SOX5: variants seen among roughly 807,000 people sequenced by gnomAD.
SOX5 encodes transcription factor SOX-5.
Under a neutral mutation model 92.0 loss-of-function variants are expected in SOX5, and 9 were observed. The observed-to-expected ratio is 0.10, with a 90% CI of 0.06 to 0.17. SOX5 has a LOEUF of 0.17. Among genes scored for constraint, SOX5 ranks in the 10% least tolerant of loss-of-function variants. The pLI is 1.00. For missense variants in SOX5, 642 were observed against 944.5 expected (o/e 0.68, Z 4.20); for synonymous variants, 344 against 336.3 (o/e 1.02, Z -0.25).
At chr12:23,892,695 A>C (rs769066284) in intron 2 of SOX5, among the ~76,000 whole-genome samples, 8 of 152,250 alleles carry the variant, frequency 5.3e-5, no homozygotes, top group Non-Finnish European at 1.0e-4. Flanking sequence ...AAACAAATTT[A>C]GAAACTAATT....
intron 1 of SOX5, among the ~76,000 whole-genome samples, chr12:24,441,634 G>T (rs1390540642): frequency 6.6e-6 from 1 of 152,150 alleles, no homozygotes; most frequent in Non-Finnish European, 1.5e-5. Flanking sequence ...GGAAAAGAAT[G>T]TTCAAAGAAA....
chr12:23,705,888 C>T (rs1174787503), intron 6 of SOX5, among the ~76,000 whole-genome samples: 1 of 152,002 alleles, frequency 6.6e-6, no homozygotes, highest in African/African-American at 2.4e-5. Context: ...ACTAACAATC[C>T]CACTGCTACT....
chr12:23,580,439 C>T (rs1443680441), intron 9 of SOX5, among the ~76,000 whole-genome samples: 1 of 151,950 alleles, frequency 6.6e-6, no homozygotes, highest in Admixed American at 6.6e-5. Flanking sequence ...CGCAAATTCA[C>T]TTATCTTGGT....
At chr12:24,503,441 C>T (rs10842362) in intron 1 of SOX5, among the ~76,000 whole-genome samples, 97,851 of 152,022 alleles carry the variant, frequency 0.64, 32,427 homozygotes, top group East Asian at 0.98. Flanking sequence ...AATTATATAA[C>T]GAGGCTGAAA....
intron 9 of SOX5, among the ~76,000 whole-genome samples, chr12:23,585,877 A>G (rs1950649419): frequency 6.6e-6 from 1 of 152,142 alleles, no homozygotes; most frequent in South Asian, 2.1e-4. Flanking sequence ...TGTGGGTGTC[A>G]TGGCAACGGC....
At chr12:24,348,335 A>T (rs1274883240) in intron 2 of SOX5, among the ~76,000 whole-genome samples, 1 of 151,348 alleles carries the variant, frequency 6.6e-6, no homozygotes, top group African/African-American at 2.4e-5. Flanking sequence ...AGCTCATCAC[A>T]TGCCTCTATG....
At chr12:24,295,114 AT>A (rs1310161335) in intron 2 of SOX5, among the ~76,000 whole-genome samples, 1 of 112,438 alleles carries the variant, frequency 8.9e-6, no homozygotes, top group Non-Finnish European at 2.0e-5. Flanking sequence ...TTACAAATAA[AT>A]TTTTATAAGT....
At chr12:24,335,437 A>C (rs1275875611) in intron 2 of SOX5, among the ~76,000 whole-genome samples, 2 of 152,204 alleles carry the variant, frequency 1.3e-5, no homozygotes, top group Admixed American at 6.5e-5. Context: ...AGTGCAGCAC[A>C]CATTATCAAC....
intron 1 of SOX5, among the ~76,000 whole-genome samples, chr12:24,518,685 A>G (rs1222559691): frequency 6.6e-6 from 1 of 152,182 alleles, no homozygotes; most frequent in Non-Finnish European, 1.5e-5. Context: ...GAATGCGCCA[A>G]GATATCACAC....
chr12:24,164,411 A>C (rs1287596651), intron 4 of SOX5, among the ~76,000 whole-genome samples: 2 of 152,074 alleles, frequency 1.3e-5, no homozygotes, highest in African/African-American at 4.8e-5. Context: ...ACTCCTAGGC[A>C]TGTAATATTC....
intron 4 of SOX5, among the ~76,000 whole-genome samples, chr12:24,174,575 A>G (rs1284222687): frequency 6.6e-6 from 1 of 152,110 alleles, no homozygotes; most frequent in African/African-American, 2.4e-5. Context: ...AGAAAAGAGA[A>G]CTTTGGGAGG....
intron 4 of SOX5, among the ~76,000 whole-genome samples, chr12:24,026,157 G>A (rs911376425): frequency 2.0e-5 from 3 of 152,062 alleles, no homozygotes; most frequent in African/African-American, 7.2e-5. Context: ...AAATTTGGCA[G>A]TTTGGCTCTT....
intron 2 of SOX5, among the ~76,000 whole-genome samples, chr12:23,863,509 T>G (rs1211198115): frequency 6.6e-6 from 1 of 152,152 alleles, no homozygotes; most frequent in Non-Finnish European, 1.5e-5. Context: ...TGCTTTTAAC[T>G]ATTGTGTCAT....
chr12:24,349,268 TTCA>T (rs1456385123), intron 2 of SOX5, among the ~76,000 whole-genome samples: 1 of 152,220 alleles, frequency 6.6e-6, no homozygotes, highest in East Asian at 1.9e-4. Context: ...TAAAAAACTG[TTCA>T]TGTGGTAAAA....
intron 8 of SOX5, among the ~76,000 whole-genome samples, chr12:23,624,198 G>T (rs774010514): frequency 6.6e-6 from 1 of 152,108 alleles, no homozygotes; most frequent in South Asian, 2.1e-4. Context: ...GGAGAATGAG[G>T]AGTTGTTGAA....
intron 3 of SOX5, among the ~76,000 whole-genome samples, chr12:24,223,633 T>C (rs1565691145): frequency 6.6e-6 from 1 of 152,172 alleles, no homozygotes; most frequent in Non-Finnish European, 1.5e-5. Context: ...CATGTGCCTG[T>C]AGTCCCAGCT....
intron 1 of SOX5, among the ~76,000 whole-genome samples, chr12:24,492,241 A>C (rs2137985862): frequency 6.6e-6 from 1 of 152,296 alleles, no homozygotes; most frequent in East Asian, 1.9e-4. Flanking sequence ...CAACAACAGA[A>C]ATAGCTGTTG....
chr12:23,752,688 A>G (rs1318214264), intron 4 of SOX5, among the ~76,000 whole-genome samples: 3 of 151,870 alleles, frequency 2.0e-5, no homozygotes, highest in African/African-American at 7.2e-5. Context: ...TTCACCTTTC[A>G]CATTATTGTT....
chr12:24,065,822 T>C (rs1193432754), intron 4 of SOX5, among the ~76,000 whole-genome samples: 1 of 152,150 alleles, frequency 6.6e-6, no homozygotes, highest in Non-Finnish European at 1.5e-5. Context: ...TGCATATCCC[T>C]GTCTTATCTC....
Sources: gnomAD v4.1 joint callset for allele counts (sites outside exome capture counted in the v4.1 genomes callset) on GRCh38, gnomAD v4.1.1 for gene constraint, MANE v1.5 for transcripts, NCBI Gene and HGNC (gene_info 2026-07-23, HGNC 2026-07-21) for gene names.